The following PCDH9 variants were observed in gnomAD, a reference collection of about 807,000 sequenced individuals.
The protein encoded by PCDH9 is protocadherin-9.
In PCDH9, 24 loss-of-function variants were observed where a neutral mutation model predicts 70.6. The observed-to-expected ratio is 0.34, with a 90% CI of 0.25 to 0.48. The LOEUF is 0.48. Ranked by LOEUF, PCDH9 falls within the 20% of genes least tolerant of loss-of-function variation. PCDH9 has a pLI of 0.99. For missense variants in PCDH9, 1,281 were observed against 1,503.6 expected (o/e 0.85, Z 2.45); for synonymous variants, 562 against 558.5 (o/e 1.01, Z -0.09).
At chr13:66,693,358 G>A (rs1184026449) in intron 3 of PCDH9, among the ~76,000 whole-genome samples, 1 of 151,554 alleles carries the variant, frequency 6.6e-6, no homozygotes. Context: ...ATTATACTAA[G>A]AAAAAACACT....
At chr13:66,633,825 TG>T (rs2138943212) in intron 3 of PCDH9, among the ~76,000 whole-genome samples, 1 of 152,300 alleles carries the variant, frequency 6.6e-6, no homozygotes, top group Non-Finnish European at 1.5e-5. Context: ...TAGTTAACAC[TG>T]TTTTAATGAC....
At chr13:66,621,869 C>A (rs985904227) in intron 4 of PCDH9, among the ~76,000 whole-genome samples, 9 of 152,264 alleles carry the variant, frequency 5.9e-5, no homozygotes, top group Non-Finnish European at 5.9e-5. Flanking sequence ...CCCTTCAGCC[C>A]ACCACTGCAC....
intron 4 of PCDH9, among the ~76,000 whole-genome samples, chr13:66,474,920 T>C (rs1958692016): frequency 1.3e-5 from 2 of 152,036 alleles, no homozygotes; most frequent in Admixed American, 6.6e-5. Context: ...TTGAATGAAT[T>C]TCAATGTTAT....
chr13:67,128,653 T>G (rs1452965393), intron 2 of PCDH9, among the ~76,000 whole-genome samples: 1 of 152,188 alleles, frequency 6.6e-6, no homozygotes, highest in Non-Finnish European at 1.5e-5. Context: ...TGTAAACTTT[T>G]GCTTTGGTTA....
intron 3 of PCDH9, among the ~76,000 whole-genome samples, chr13:66,674,921 A>G (rs938687345): frequency 1.3e-5 from 2 of 152,114 alleles, no homozygotes; most frequent in Admixed American, 6.6e-5. Context: ...CTACCATTAA[A>G]TTACTTTTCT....
intron 4 of PCDH9, among the ~76,000 whole-genome samples, chr13:66,542,004 G>T (rs1229498871): frequency 2.0e-5 from 3 of 152,036 alleles, no homozygotes; most frequent in Admixed American, 2.0e-4. Flanking sequence ...TACAATGTTT[G>T]TTTGCATTTA....
chr13:66,838,773 T>C (rs775461089), intron 3 of PCDH9, among the ~76,000 whole-genome samples: 9 of 152,134 alleles, frequency 5.9e-5, no homozygotes, highest in Non-Finnish European at 1.2e-4. Flanking sequence ...GAAAACATGA[T>C]GTACTAGAAT....
intron 4 of PCDH9, among the ~76,000 whole-genome samples, chr13:66,472,360 A>G (rs1958636656): frequency 6.9e-6 from 1 of 144,256 alleles, no homozygotes; most frequent in African/African-American, 2.5e-5. Flanking sequence ...ACTTGAGCAG[A>G]GGAGTTTGAG....
chr13:66,365,234 AGGTTCT>A (rs71205583), intron 4 of PCDH9, among the ~76,000 whole-genome samples: 113 of 152,304 alleles, frequency 7.4e-4, no homozygotes, highest in Non-Finnish European at 1.4e-3. Context: ...CAGAACGACA[AGGTTCT>A]GTCTTGGAGA....
At chr13:66,825,334 C>CTT (rs11375050) in intron 3 of PCDH9, 48,269 of 103,834 alleles carry the variant, frequency 0.46, 13,836 homozygotes, top group Non-Finnish European at 0.56. Flanking sequence ...GTTATAAAAA[C>CTT]TTTTTTTTTT....
At chr13:66,880,697 G>T (rs1000807824) in intron 3 of PCDH9, among the ~76,000 whole-genome samples, 5 of 152,098 alleles carry the variant, frequency 3.3e-5, no homozygotes, top group African/African-American at 1.2e-4. Context: ...GGGATTCTTA[G>T]CTGCAACATG....
At chr13:66,642,537 C>T (rs1311395428) in intron 3 of PCDH9, among the ~76,000 whole-genome samples, 2 of 151,846 alleles carry the variant, frequency 1.3e-5, no homozygotes, top group Non-Finnish European at 2.9e-5. Flanking sequence ...GGCAGTAACA[C>T]CACTAGATTT....
intron 4 of PCDH9, among the ~76,000 whole-genome samples, chr13:66,593,739 AAT>A (rs1593746511): frequency 6.6e-6 from 1 of 151,646 alleles, no homozygotes; most frequent in Non-Finnish European, 1.5e-5. Flanking sequence ...TTTATTTTTA[AAT>A]ATATGTTTGT....
At chr13:67,115,436 G>A (rs1999055) in intron 2 of PCDH9, among the ~76,000 whole-genome samples, 150,511 of 152,282 alleles carry the variant, frequency 0.99, 74,397 homozygotes, top group Middle Eastern at 1. Flanking sequence ...GAAGGATGAA[G>A]GAGCTCTCTG....
At chr13:66,501,829 TA>T (rs1184026555) in intron 4 of PCDH9, among the ~76,000 whole-genome samples, 1 of 152,164 alleles carries the variant, frequency 6.6e-6, no homozygotes, top group African/African-American at 2.4e-5. Flanking sequence ...CTTAAGGCAT[TA>T]AGCCTTTTGG....
At chr13:66,406,740 C>G (rs890675613) in intron 4 of PCDH9, among the ~76,000 whole-genome samples, 3 of 152,082 alleles carry the variant, frequency 2.0e-5, no homozygotes, top group African/African-American at 7.2e-5. Flanking sequence ...ATCATCAGCA[C>G]CTAGATGGTG....
chr13:66,414,777 C>T (rs142536395), intron 4 of PCDH9, among the ~76,000 whole-genome samples: 10 of 152,084 alleles, frequency 6.6e-5, no homozygotes, highest in Middle Eastern at 3.4e-3. Context: ...AATATTTCAA[C>T]GTGAAAACTA....
At chr13:66,959,258 A>G (rs997763532) in intron 2 of PCDH9, among the ~76,000 whole-genome samples, 4 of 152,206 alleles carry the variant, frequency 2.6e-5, no homozygotes, top group African/African-American at 9.6e-5. Context: ...AATGAATTTG[A>G]TAGCAGGTAC....
chr13:67,070,497 CT>C (rs2085739829), intron 2 of PCDH9, among the ~76,000 whole-genome samples: 2 of 152,124 alleles, frequency 1.3e-5, no homozygotes, highest in African/African-American at 4.8e-5. Context: ...TACTTTTAAA[CT>C]TTTCCTCTTC....
Sources: allele counts gnomAD v4.1 joint callset (sites outside exome capture counted in the v4.1 genomes callset), GRCh38; gene constraint gnomAD v4.1.1; transcripts MANE v1.5; gene names NCBI Gene and HGNC (gene_info 2026-07-23, HGNC 2026-07-21).